The following ITSN1 variants were observed in gnomAD, a reference collection of about 807,000 sequenced individuals.
ITSN1 encodes the protein intersectin 1, also known as intersectin-1.
In ITSN1, 58 loss-of-function variants were observed where a neutral mutation model predicts 239.8. The observed-to-expected ratio is 0.24, with a 90% CI of 0.20 to 0.30. The LOEUF (loss-of-function observed/expected upper bound fraction) is 0.30, where lower values mean the gene tolerates loss of function less well. ITSN1 is among the 10% of genes least tolerant of loss of function. The probability of loss-of-function intolerance (pLI) is 1.00; values close to 1 mark genes in which losing one functional copy is unlikely to be tolerated. For synonymous variants in ITSN1, 780 were observed against 770.8 expected (o/e 1.01, Z -0.20); for missense variants, 1,558 against 2,103.3 (o/e 0.74, Z 5.07).
At chr21:33,690,790 CATATATATATATATAT>C (rs1167375498) in intron 1 of ITSN1, among the ~76,000 whole-genome samples, 2 of 12,962 alleles carry the variant, frequency 1.5e-4, no homozygotes, top group African/African-American at 7.2e-4. Flanking sequence ...TATATATATA[CATATATATATATATAT>C]ATATATATGT....
chr21:33,751,726 T>C, intron 6 of ITSN1, 84 bp from the exon 7 acceptor site: 2 of 1,028,066 alleles, frequency 1.9e-6, no homozygotes, highest in South Asian at 2.7e-5. Context: ...CTCAGATTTG[T>C]TGACTGTGCA....
At chr21:33,887,954 T>A (rs894387704) in intron 39 of ITSN1, among the ~76,000 whole-genome samples, 198 bp from the exon 40 acceptor site, 5 of 149,206 alleles carry the variant, frequency 3.4e-5, no homozygotes, top group Non-Finnish European at 4.5e-5. Flanking sequence ...TTTTTTTTTT[T>A]ATTTAAGTAA....
At chr21:33,760,122 A>G (rs1167000480) in intron 8 of ITSN1, among the ~76,000 whole-genome samples, 1 of 152,076 alleles carries the variant, frequency 6.6e-6, no homozygotes, top group Admixed American at 6.6e-5. Flanking sequence ...AAAAAAAAGA[A>G]AAGAAAAGAA....
At chr21:33,781,368 T>C (rs1395475913) in intron 14 of ITSN1, 93 bp from the exon 15 acceptor site, 2 of 714,290 alleles carry the variant, frequency 2.8e-6, no homozygotes, top group East Asian at 2.9e-5. Context: ...TTGGGAAGAG[T>C]CTGAGAAAAC....
At chr21:33,671,282 G>T (rs374862885) in intron 1 of ITSN1, among the ~76,000 whole-genome samples, 5 of 151,766 alleles carry the variant, frequency 3.3e-5, no homozygotes, top group African/African-American at 7.3e-5. Flanking sequence ...TTTTTTTCTT[G>T]TTTTTTGTTT....
intron 4 of ITSN1, among the ~76,000 whole-genome samples, chr21:33,728,994 G>T (rs775158808): frequency 6.6e-6 from 1 of 152,172 alleles, no homozygotes; most frequent in African/African-American, 2.4e-5. Context: ...TGAGAGATGA[G>T]CAGCCTGAGG....
At chr21:33,646,665 T>G (rs776433670) in intron 1 of ITSN1, among the ~76,000 whole-genome samples, 1 of 152,220 alleles carries the variant, frequency 6.6e-6, no homozygotes, top group African/African-American at 2.4e-5. Flanking sequence ...AAAGTTCACA[T>G]ACTTCTAAGT....
rs183456054 is a variant in ITSN1 at position 33,769,945 on chromosome 21, C to A, written c.1043-2116C>A. On this transcript the variant is annotated intron_variant, in intron 11 of 39. Coordinates refer to ENST00000381318, the MANE Select transcript of ITSN1 (RefSeq NM_003024.3). ...TTTTGACTTTAGGTGATCCACCCAC[C>A]TTGGCCTCCCAAAAAGTGTTGGGAT... Among the ~76,000 whole-genome samples, 125 of 152,176 alleles carry A rather than the reference C, an allele frequency of 8.2e-4. 1 individual carries two copies. The highest frequency in any genetic ancestry group is 7.3e-3 in the Admixed American group (111 of 15,286).
At chr21:33,763,994 C>T (rs948138605) in intron 9 of ITSN1, among the ~76,000 whole-genome samples, 11 of 152,192 alleles carry the variant, frequency 7.2e-5, no homozygotes, top group African/African-American at 2.7e-4. Context: ...TTGCCTTTGG[C>T]AGTAGACCAG....
intron 27 of ITSN1, among the ~76,000 whole-genome samples, chr21:33,830,994 CTG>C (rs1242913051): frequency 6.6e-6 from 1 of 152,112 alleles, no homozygotes; most frequent in African/African-American, 2.4e-5. Context: ...TATGGGTGTT[CTG>C]TGTGCTTTTC....
chr21:33,872,617 C>T (rs377019069), intron 33 of ITSN1, among the ~76,000 whole-genome samples: 36 of 152,196 alleles, frequency 2.4e-4, no homozygotes, highest in African/African-American at 8.7e-4. Context: ...CTGCAATGTC[C>T]GCCTCCTGGG....
intron 1 of ITSN1, among the ~76,000 whole-genome samples, chr21:33,684,426 A>T (rs905594176): frequency 6.6e-6 from 1 of 152,188 alleles, no homozygotes; most frequent in Non-Finnish European, 1.5e-5. Flanking sequence ...AAAATGTGGA[A>T]TAGCATGATT....
chr21:33,873,500 C>T (rs1019180034), intron 33 of ITSN1, among the ~76,000 whole-genome samples: 2 of 152,206 alleles, frequency 1.3e-5, no homozygotes, highest in Non-Finnish European at 2.9e-5. Context: ...GTCCACGTGT[C>T]TCATTTAGTT....
chr21:33,841,306 A>G (rs2074815096), intron 29 of ITSN1, among the ~76,000 whole-genome samples: 1 of 152,216 alleles, frequency 6.6e-6, no homozygotes, highest in African/African-American at 2.4e-5. Flanking sequence ...ACCATATGAA[A>G]TTGTCAATTC....
chr21:33,706,002 T>A (rs2092237072), intron 1 of ITSN1, among the ~76,000 whole-genome samples: 1 of 152,168 alleles, frequency 6.6e-6, no homozygotes, highest in Non-Finnish European at 1.5e-5. Context: ...AACACTGATG[T>A]CTGTGAAGTT....
chr21:33,713,915 A>G (rs909809575), intron 1 of ITSN1, among the ~76,000 whole-genome samples: 1 of 143,342 alleles, frequency 7.0e-6, no homozygotes, highest in African/African-American at 2.6e-5. Flanking sequence ...GCTCACTGCA[A>G]CCTCCGGCTC....
chr21:33,771,634 T>C (rs1387313402), intron 11 of ITSN1, among the ~76,000 whole-genome samples: 1 of 152,214 alleles, frequency 6.6e-6, no homozygotes, highest in East Asian at 1.9e-4. Context: ...AGCCGAATGC[T>C]CACCTTTCAC....
intron 1 of ITSN1, among the ~76,000 whole-genome samples, chr21:33,686,835 A>G (rs1201363155): frequency 6.6e-6 from 1 of 152,142 alleles, no homozygotes; most frequent in Non-Finnish European, 1.5e-5. Flanking sequence ...CTGAGACTAG[A>G]GCTAGGTCAC....
At chr21:33,676,471 T>C (rs2090599891) in intron 1 of ITSN1, among the ~76,000 whole-genome samples, 1 of 152,164 alleles carries the variant, frequency 6.6e-6, no homozygotes, top group Non-Finnish European at 1.5e-5. Flanking sequence ...CAAGCAAACC[T>C]CCCACCTCAG....
Sources: allele counts gnomAD v4.1 joint callset (sites outside exome capture counted in the v4.1 genomes callset), GRCh38; gene constraint gnomAD v4.1.1; transcripts MANE v1.5; gene names NCBI Gene and HGNC (gene_info 2026-07-23, HGNC 2026-07-21).